STAU1: variants seen among roughly 807,000 people sequenced by gnomAD.
STAU1 encodes double-stranded RNA-binding protein Staufen homolog 1.
STAU1 carries 13 observed loss-of-function variants against 62.9 expected under a neutral mutation model. The ratio of observed to expected loss-of-function variants is 0.21; its 90% CI spans 0.13 to 0.33. The LOEUF (loss-of-function observed/expected upper bound fraction) is 0.33, where lower values mean the gene tolerates loss of function less well. Among genes scored for constraint, STAU1 ranks in the 10% least tolerant of loss-of-function variants. STAU1 has a pLI of 1.00. For missense variants in STAU1, 571 were observed against 712.1 expected (o/e 0.80, Z 2.25); for synonymous variants, 269 against 265.1 (o/e 1.01, Z -0.14).
intron 1 of STAU1, among the ~76,000 whole-genome samples, chr20:49,182,561 G>A (rs930902522): frequency 5.9e-5 from 9 of 152,172 alleles, no homozygotes; most frequent in Admixed American, 3.3e-4. Flanking sequence ...AAGGTATGCC[G>A]GGCACAGTGG....
At chr20:49,196,195 G>A in the STAU1 span, among the ~76,000 whole-genome samples, 1 of 151,602 alleles carries the variant, frequency 6.6e-6, no homozygotes, top group Non-Finnish European at 1.5e-5. Context: ...CCAGCACATT[G>A]GGAGGCCGAG....
rs377762463 is a variant in STAU1 at position 49,133,096 on chromosome 20, C to T, written c.609+2737G>A. Among the ~76,000 whole-genome samples, 4 of 152,150 alleles carry T rather than the reference C, an allele frequency of 2.6e-5. No individual in the cohort carries two copies. The East Asian group carries it at 5.8e-4, about 22-fold the overall frequency. The stretch of plus-strand genomic sequence containing the variant: ...GATAAATTACTTTAAAAGATCACCA[C>T]GAGAGGGCACTCCTACAATTCTTTT... On this transcript the variant is annotated intron_variant, in intron 6 of 13. Coordinates refer to ENST00000371856, the MANE Select transcript of STAU1 (RefSeq NM_017453.4).
chr20:49,118,242 G>C, intron 10 of STAU1, 91 bp downstream of exon 10: 2 of 1,389,048 alleles, frequency 1.4e-6, no homozygotes, highest in South Asian at 2.4e-5. Flanking sequence ...TTGCATGCGG[G>C]ACCTCACTGG....
intron 6 of STAU1, among the ~76,000 whole-genome samples, chr20:49,132,086 A>G (rs2092763318): frequency 6.6e-6 from 1 of 151,730 alleles, no homozygotes; most frequent in Non-Finnish European, 1.5e-5. Context: ...GTAGGAATTC[A>G]GCACAGTGGC....
chr20:49,113,357 T>C lies in STAU1; in HGVS notation c.*1521A>G, dbSNP rs1447560967. On this transcript the variant is annotated 3_prime_UTR_variant, in exon 14 of 14. Coordinates refer to ENST00000371856, the MANE Select transcript of STAU1 (RefSeq NM_017453.4). ...CAAACACTTCATTAGTAGCTGTTTA[T>C]TGATCAATGGTTTGATATAAAGTTA... 6.6e-6 allele frequency: 1 copy of C among 152,612 alleles called. No homozygotes were observed. Among genetic ancestry groups the C allele is most frequent in the East Asian group, 1.9e-4 (1 of 5,202 alleles). 9.5% of individuals were successfully genotyped at this position (152,612 alleles called of 1,614,324 possible).
At chr20:49,178,742 C>T (rs1206062035) in intron 1 of STAU1, among the ~76,000 whole-genome samples, 1 of 149,582 alleles carries the variant, frequency 6.7e-6, no homozygotes, top group Non-Finnish European at 1.5e-5. Context: ...CAGAGCGAGA[C>T]TCTGCTTCAA....
intron 6 of STAU1, among the ~76,000 whole-genome samples, chr20:49,126,598 A>C (rs1218862532): frequency 7.2e-6 from 1 of 139,770 alleles, no homozygotes; most frequent in Non-Finnish European, 1.6e-5. Flanking sequence ...CAAAAAAAAA[A>C]CAAAAAAACT....
intron 2 of STAU1, 125 bp downstream of exon 2, chr20:49,174,070 A>G (rs1191730334): frequency 1.3e-5 from 2 of 152,258 alleles, no homozygotes; most frequent in African/African-American, 4.8e-5. Flanking sequence ...TTCAAACTGC[A>G]TAAAATTTGT....
At chr20:49,135,989 G>A in intron 5 of STAU1, 58 bp from the exon 6 acceptor site, 2 of 1,357,536 alleles carry the variant, frequency 1.5e-6, no homozygotes, top group Non-Finnish European at 2.1e-6. Flanking sequence ...GGCCAGGTGA[G>A]TTGGTTCATG....
At chr20:49,165,901 G>T in intron 3 of STAU1, 96 bp downstream of exon 3, 1 of 1,264,322 alleles carries the variant, frequency 7.9e-7, no homozygotes, top group Non-Finnish European at 1.1e-6. Context: ...CTTTTTGAAG[G>T]TAAATGTGAG....
At chr20:49,177,592 T>C (rs1388145608) in intron 1 of STAU1, among the ~76,000 whole-genome samples, 1 of 151,740 alleles carries the variant, frequency 6.6e-6, no homozygotes, top group African/African-American at 2.4e-5. Flanking sequence ...GGCAGGAGAC[T>C]GGCATGAATT....
At chr20:49,194,281 T>C in the STAU1 span, among the ~76,000 whole-genome samples, 7 of 151,470 alleles carry the variant, frequency 4.6e-5, no homozygotes, top group African/African-American at 1.5e-4. Flanking sequence ...AATACAAAAT[T>C]AGCTGGGCAT....
At chr20:49,120,664 G>A (rs2092445061) in intron 8 of STAU1, among the ~76,000 whole-genome samples, 1 of 152,212 alleles carries the variant, frequency 6.6e-6, no homozygotes, top group South Asian at 2.1e-4. Context: ...GAAGTCTGCA[G>A]CCATTACATT....
At chr20:49,214,897 A>C in the STAU1 span, among the ~76,000 whole-genome samples, 1 of 152,256 alleles carries the variant, frequency 6.6e-6, no homozygotes, top group Non-Finnish European at 1.5e-5. Flanking sequence ...AGTCCATAAC[A>C]GAAGGAACAT....
chr20:49,143,457 G>A (rs867741577), intron 5 of STAU1, among the ~76,000 whole-genome samples: 2 of 152,142 alleles, frequency 1.3e-5, no homozygotes, highest in South Asian at 2.1e-4. Flanking sequence ...GCCAGGTGTG[G>A]TGGCATACAC....
At chr20:49,146,660 G>A (rs2093137970) in intron 5 of STAU1, among the ~76,000 whole-genome samples, 1 of 151,136 alleles carries the variant, frequency 6.6e-6, no homozygotes, top group African/African-American at 2.4e-5. Flanking sequence ...CCTGCATGGA[G>A]GGCCTCCGCA....
At chr20:49,126,432 T>C (rs2145914296) in intron 6 of STAU1, among the ~76,000 whole-genome samples, 1 of 151,258 alleles carries the variant, frequency 6.6e-6, no homozygotes, top group African/African-American at 2.4e-5. Context: ...GGTGTGGTAG[T>C]GTGCCCCTGT....
intron 1 of STAU1, among the ~76,000 whole-genome samples, chr20:49,186,066 C>T (rs1424492822): frequency 1.1e-4 from 17 of 152,020 alleles, no homozygotes; most frequent in Non-Finnish European, 1.5e-5. Flanking sequence ...CCCAAAAGTT[C>T]TGGGATTACA....
intron 1 of STAU1, among the ~76,000 whole-genome samples, chr20:49,180,452 T>A (rs1425278517): frequency 2.0e-5 from 3 of 151,866 alleles, no homozygotes; most frequent in Non-Finnish European, 4.4e-5. Flanking sequence ...GCCCCCGGGG[T>A]AGCTGGGATT....
Sources: gnomAD v4.1 joint callset for allele counts (sites outside exome capture counted in the v4.1 genomes callset) on GRCh38, gnomAD v4.1.1 for gene constraint, MANE v1.5 for transcripts, NCBI Gene and HGNC (gene_info 2026-07-23, HGNC 2026-07-21) for gene names.